DYNC2LI1: variants seen among roughly 807,000 people sequenced by gnomAD.
DYNC2LI1 encodes the protein dynein cytoplasmic 2 light intermediate chain 1, also known as cytoplasmic dynein 2 light intermediate chain 1.
In DYNC2LI1, 45 loss-of-function variants were observed where a neutral mutation model predicts 51.9. The ratio of observed to expected loss-of-function variants is 0.87; its 90% CI spans 0.68 to 1.11. The LOEUF is 1.11. DYNC2LI1 is among the 50% of genes most tolerant of loss of function. The pLI, the probability that DYNC2LI1 is intolerant of heterozygous loss-of-function variation, is 0.00. For missense variants in DYNC2LI1, 490 were observed against 417.4 expected (o/e 1.17, Z -1.51); for synonymous variants, 130 against 137.8 (o/e 0.94, Z 0.40).
the DYNC2LI1 span, among the ~76,000 whole-genome samples, chr2:43,818,238 G>C: frequency 6.6e-6 from 1 of 152,082 alleles, no homozygotes; most frequent in Non-Finnish European, 1.5e-5. Flanking sequence ...AATCACTTGA[G>C]GTCGAGACTA....
chr2:43,783,638 G>C, intron 3 of DYNC2LI1, 84 bp downstream of exon 3: 1 of 851,154 alleles, frequency 1.2e-6, no homozygotes, highest in Non-Finnish European at 1.7e-6. Flanking sequence ...CATAAGGAAG[G>C]GGAACGATTT....
chr2:43,808,964 TACAC>T (rs56090427), intron 12 of DYNC2LI1, among the ~76,000 whole-genome samples: 17,563 of 145,330 alleles, frequency 0.12, 1,057 homozygotes, highest in Middle Eastern at 0.18. Flanking sequence ...GGACAAAGGA[TACAC>T]ACACACACAC....
the DYNC2LI1 span, among the ~76,000 whole-genome samples, chr2:43,821,411 A>G: frequency 1.3e-5 from 2 of 152,018 alleles, no homozygotes; most frequent in Non-Finnish European, 2.9e-5. Context: ...AATCTGCATC[A>G]CTCACCATGT....
intron 10 of DYNC2LI1, among the ~76,000 whole-genome samples, chr2:43,801,983 A>T (rs74737559): frequency 6.6e-5 from 10 of 152,092 alleles, no homozygotes; most frequent in African/African-American, 2.2e-4. Context: ...TCTTTCCCCA[A>T]CTGATTTCCA....
At position 43,809,849 on chromosome 2, in the gene DYNC2LI1, A is replaced by G; in HGVS notation, c.*82A>G. 1 of 1,512,976 alleles carries G rather than the reference A, an allele frequency of 6.6e-7. No individual in the cohort carries two copies. Among genetic ancestry groups the G allele is most frequent in the Non-Finnish European group, 8.8e-7 (1 of 1,132,640 alleles). The allele number at this position is 1,512,976 out of a possible 1,614,324, so 93.7% of individuals were successfully genotyped here. ...ACTGTGAATTAACTATTGTGGCAAT[A>G]TGTGAAGAAAGTTAAACTGTATAAT... On this transcript the variant is annotated 3_prime_UTR_variant, in exon 13 of 13. Coordinates refer to ENST00000260605, the MANE Select transcript of DYNC2LI1 (RefSeq NM_016008.4).
At chr2:43,798,971 T>C (rs1665983966) in intron 8 of DYNC2LI1, among the ~76,000 whole-genome samples, 1 of 152,100 alleles carries the variant, frequency 6.6e-6, no homozygotes, top group African/African-American at 2.4e-5. Context: ...TTGAGAATAT[T>C]GATTCAATAT....
downstream of DYNC2LI1, among the ~76,000 whole-genome samples, chr2:43,811,442 C>T (rs1666476075): frequency 6.6e-6 from 1 of 152,172 alleles, no homozygotes; most frequent in Admixed American, 6.5e-5. Context: ...TATCTTTCTT[C>T]ACAAGTTAGG....
chr2:43,814,363 G>A (rs1270325577), downstream of DYNC2LI1: 1 of 735,490 alleles, frequency 1.4e-6, no homozygotes, highest in Non-Finnish European at 2.3e-6. Context: ...TCAAAACAGA[G>A]TTTTAAATTG....
chr2:43,826,425 A>G, the DYNC2LI1 span: 50 of 1,614,008 alleles, frequency 3.1e-5, no homozygotes, highest in Admixed American at 1.8e-4. Context: ...GAGAACCACA[A>G]TTCGGTTCCT....
chr2:43,808,917 T>C (rs1666374078), intron 12 of DYNC2LI1, among the ~76,000 whole-genome samples: 3 of 151,882 alleles, frequency 2.0e-5, no homozygotes, highest in Non-Finnish European at 1.5e-5. Flanking sequence ...ATTGCTCTAT[T>C]GTTATGGATG....
the DYNC2LI1 span, among the ~76,000 whole-genome samples, chr2:43,819,019 T>G: frequency 6.6e-6 from 1 of 152,226 alleles, no homozygotes; most frequent in Non-Finnish European, 1.5e-5. Flanking sequence ...CAAAGTCAAG[T>G]CTGAGCTTCA....
chr2:43,787,930 C>T (rs988658187), intron 4 of DYNC2LI1, among the ~76,000 whole-genome samples: 4 of 152,084 alleles, frequency 2.6e-5, no homozygotes, highest in African/African-American at 9.7e-5. Flanking sequence ...CAAATATTTC[C>T]TCATTAGACA....
intron 10 of DYNC2LI1, among the ~76,000 whole-genome samples, chr2:43,803,705 A>C (rs563148509): frequency 6.6e-6 from 1 of 152,340 alleles, no homozygotes; most frequent in African/African-American, 2.4e-5. Context: ...AAAGGAATAC[A>C]AGTAAAACTT....
At chr2:43,788,377 T>G (rs1184311774) in intron 4 of DYNC2LI1, among the ~76,000 whole-genome samples, 1 of 152,246 alleles carries the variant, frequency 6.6e-6, no homozygotes, top group Non-Finnish European at 1.5e-5. Flanking sequence ...TGGGAGCAGA[T>G]ACGTAAAAAC....
chr2:43,778,888 A>G (rs566564428), intron 2 of DYNC2LI1, among the ~76,000 whole-genome samples: 19 of 152,252 alleles, frequency 1.2e-4, no homozygotes, highest in African/African-American at 3.9e-4. Flanking sequence ...TTTTAGTAAT[A>G]AAAGTAATTT....
chr2:43,800,950 G>A, intron 9 of DYNC2LI1, 33 bp downstream of exon 9: 2 of 1,426,046 alleles, frequency 1.4e-6, no homozygotes, highest in Non-Finnish European at 2.0e-6. Flanking sequence ...ATCATTTATT[G>A]AGTGATTGAT....
chr2:43,818,322 T>C, the DYNC2LI1 span, among the ~76,000 whole-genome samples: 1 of 152,132 alleles, frequency 6.6e-6, no homozygotes, highest in Non-Finnish European at 1.5e-5. Flanking sequence ...CGCACACCTG[T>C]AATCCCAGCT....
At chr2:43,828,256 A>G in the DYNC2LI1 span, 1 of 1,095,876 alleles carries the variant, frequency 9.1e-7, no homozygotes, top group Admixed American at 2.0e-5. Flanking sequence ...CCCTGGGGAA[A>G]GCATGTCTTT....
chr2:43,783,444 C>T, intron 2 of DYNC2LI1, 76 bp from the exon 3 acceptor site: 2 of 1,111,710 alleles, frequency 1.8e-6, no homozygotes, highest in East Asian at 2.6e-5. Flanking sequence ...CTATTTTGGG[C>T]CACAATTACG....
Sources: gnomAD v4.1 joint callset for allele counts (sites outside exome capture counted in the v4.1 genomes callset) on GRCh38, gnomAD v4.1.1 for gene constraint, MANE v1.5 for transcripts, NCBI Gene and HGNC (gene_info 2026-07-23, HGNC 2026-07-21) for gene names.